RCN3: variants seen among roughly 807,000 people sequenced by gnomAD.
RCN3 encodes the protein reticulocalbin 3.
RCN3 carries 41 observed loss-of-function variants against 35.9 expected under a neutral mutation model. That is an observed-to-expected ratio of 1.14 (90% confidence interval 0.89 to 1.48). The LOEUF (loss-of-function observed/expected upper bound fraction) is 1.48, where lower values mean the gene tolerates loss of function less well. RCN3 is among the 40% of genes most tolerant of loss of function. RCN3 has a pLI of 0.00. For synonymous variants in RCN3, 187 were observed against 193.4 expected, an observed-to-expected ratio of 0.97 and a Z score of 0.27; for missense variants, 451 against 471.3, an observed-to-expected ratio of 0.96 and a Z score of 0.40.
At chr19:49,540,179 C>T (rs1221080515) in intron 5 of RCN3, among the ~76,000 whole-genome samples, 1 of 151,780 alleles carries the variant, frequency 6.6e-6, no homozygotes, top group East Asian at 1.9e-4. Flanking sequence ...GTGTGTGTCT[C>T]TCTCTTTATT....
chr19:49,528,685 C>G lies in RCN3; in HGVS notation c.213C>G (p.Leu71=). The G allele has an allele frequency of 1.9e-6, 3 of 1,606,454 alleles. No homozygotes were observed. The highest frequency in any genetic ancestry group is 2.6e-6 in the Non-Finnish European group (3 of 1,176,324). The change falls in exon 2 of 7, where the codon CTC becomes CTG. Residue 71 remains leucine, a synonymous_variant. Coordinates refer to ENST00000270645, the MANE Select transcript of RCN3 (RefSeq NM_020650.3). The part of the protein sequence containing the change: ...GREVAKEFDQ[L]TPEESQARLG... ...AAGTGGCCAAGGAATTCGACCAACTCACCCCAGAGGAAAGCCAGGCCCGTC... is the reference window on the plus strand; with the variant it reads ...AAGTGGCCAAGGAATTCGACCAACTGACCCCAGAGGAAAGCCAGGCCCGTC...
chr19:49,528,443 C>T, intron 1 of RCN3, 24 bp from the exon 2 acceptor site: 1 of 1,477,548 alleles, frequency 6.8e-7, no homozygotes. Context: ...TGACCCCTGA[C>T]CCCTGGCCTT....
chr19:49,534,839 A>T (rs148124549), intron 3 of RCN3, among the ~76,000 whole-genome samples: 82 of 152,016 alleles, frequency 5.4e-4, no homozygotes, highest in Non-Finnish European at 5.7e-4. Context: ...CCTACTTTCC[A>T]TGCCTTGTCA....
Position 49,542,723 on chromosome 19 carries a change from C to T in RCN3, c.850C>T (p.His284Tyr), listed in dbSNP as rs1450149582. The change falls in exon 6 of 7, where the codon CAC (histidine) becomes TAC (tyrosine). Residue 284 changes from histidine to tyrosine, a missense_variant. Coordinates refer to ENST00000270645, the MANE Select transcript of RCN3 (RefSeq NM_020650.3). ...GGACCAGCCCCTGGTGGAAGCCAACCACCTGCTGCACGAGAGCGACACGGA... is the reference window on the plus strand; with the variant it reads ...GGACCAGCCCCTGGTGGAAGCCAACTACCTGCTGCACGAGAGCGACACGGA... The part of the protein sequence containing the change: ...AQDQPLVEAN[H>Y]LLHESDTDKD... 6.3e-7 allele frequency: 1 copy of T among 1,592,888 alleles called. No homozygotes were observed. The highest frequency in any genetic ancestry group is 1.3e-5 in the African/African-American group (1 of 74,948).
rs1281051261 is a variant in RCN3 at position 49,542,570 on chromosome 19, G to A, written c.697G>A (p.Glu233Lys). Residue 233 changes from glutamate (E) to lysine (K), a missense_variant, in exon 6 of 7, where the codon GAG (glutamate) becomes AAG (lysine). Transcript: ENST00000270645. ...GCCCCCAGCGGATCTGTACTCAGCC[G>A]AGCCTGGGGAGGAGGAGCCGGCGTG... ...EEYIADLYSAEPGEEEPAWVQ... is the reference protein window; with the variant it reads ...EEYIADLYSAKPGEEEPAWVQ... The A allele has an allele frequency of 5.0e-6, 8 of 1,602,654 alleles. No individual in the cohort carries two copies. Among genetic ancestry groups the A allele is most frequent in the African/African-American group, 2.7e-5 (2 of 74,804 alleles).
intron 4 of RCN3, among the ~76,000 whole-genome samples, chr19:49,537,407 TCTC>T (rs1568711075): frequency 6.6e-6 from 1 of 152,074 alleles, no homozygotes; most frequent in Non-Finnish European, 1.5e-5. Flanking sequence ...GGGTCTGATC[TCTC>T]CTCGTCTGGC....
chr19:49,542,080 G>A (rs770534300), intron 5 of RCN3, among the ~76,000 whole-genome samples: 2 of 149,846 alleles, frequency 1.3e-5, no homozygotes, highest in African/African-American at 4.9e-5. Flanking sequence ...AAAAAAATTT[G>A]TAGAAACAGG....
chr19:49,542,532 C>T (rs747781668), intron 5 of RCN3, 21 bp from the exon 6 acceptor site: 11 of 1,552,780 alleles, frequency 7.1e-6, no homozygotes, highest in Middle Eastern at 1.8e-4. Flanking sequence ...CTGACCTTGT[C>T]CCCTCTGTCC....
chr19:49,537,295 G>T, intron 4 of RCN3, 90 bp downstream of exon 4: 1 of 1,259,838 alleles, frequency 7.9e-7, no homozygotes, highest in East Asian at 2.8e-5. Flanking sequence ...CCGACCTGGG[G>T]GCAGGCAGTC....
chr19:49,541,487 G>A (rs1033998124), intron 5 of RCN3, among the ~76,000 whole-genome samples: 14 of 152,236 alleles, frequency 9.2e-5, no homozygotes, highest in African/African-American at 2.9e-4. Flanking sequence ...CATGGCTCAC[G>A]CCTGTATTCC....
intron 5 of RCN3, among the ~76,000 whole-genome samples, chr19:49,539,484 C>T (rs950905636): frequency 1.3e-5 from 2 of 152,134 alleles, no homozygotes; most frequent in African/African-American, 4.8e-5. Context: ...CAAATCCCTT[C>T]TTGGGGGTCT....
intron 3 of RCN3, among the ~76,000 whole-genome samples, chr19:49,535,634 G>A (rs567944997): frequency 6.6e-6 from 1 of 151,976 alleles, no homozygotes; most frequent in Non-Finnish European, 1.5e-5. Context: ...GGTGGATCAC[G>A]TGAGATCAGA....
Position 49,543,503 on chromosome 19 carries a change from C to T in RCN3, c.*290C>T. 1 of 400,518 alleles carries T rather than the reference C, an allele frequency of 2.5e-6. No individual in the cohort carries two copies. Among genetic ancestry groups the T allele is most frequent in the Non-Finnish European group, 4.5e-6 (1 of 221,604 alleles). 24.8% of individuals were successfully genotyped at this position (400,518 alleles called of 1,614,324 possible). ...CCCAAGCTCAGCTCTAAGAACCGCC[C>T]CAACCCCTCCAGCTCCAAATCTGAG... is the stretch of plus-strand genomic sequence containing the variant. On this transcript the variant is annotated 3_prime_UTR_variant, in exon 7 of 7. Transcript: ENST00000270645.
intron 3 of RCN3, among the ~76,000 whole-genome samples, chr19:49,535,520 A>C (rs1229835575): frequency 6.6e-6 from 1 of 152,208 alleles, no homozygotes; most frequent in Non-Finnish European, 1.5e-5. Flanking sequence ...CTTAGCATAT[A>C]ATCTCTCACA....
chr19:49,543,187 C>T lies in RCN3; in HGVS notation c.961C>T (p.Leu321=). 1 of 1,613,780 alleles carries T rather than the reference C, an allele frequency of 6.2e-7. No individual in the cohort carries two copies. The highest frequency in any genetic ancestry group is 8.5e-7 in the Non-Finnish European group (1 of 1,179,812). ...TCAGGCCACCAACTATGGCGAGGAC[C>T]TGACCCGGCACCACGATGAGCTGTG... The part of the protein sequence containing the change: ...GSQATNYGED[L]TRHHDEL Residue 321 remains leucine, a synonymous_variant, in exon 7 of 7, where the codon CTG becomes TTG. Transcript: ENST00000270645.
At chr19:49,538,458 C>T (rs939471152) in intron 4 of RCN3, among the ~76,000 whole-genome samples, 11 of 151,632 alleles carry the variant, frequency 7.3e-5, no homozygotes, top group Admixed American at 3.9e-4. Flanking sequence ...TGAGCCACCA[C>T]GCCCGGCCAT....
rs151007768 is a variant in RCN3 at position 49,539,178 on chromosome 19, C to A, written c.678C>A (p.Ile226=). Residue 226 remains isoleucine, a splice_region_variant and synonymous_variant, in exon 5 of 7, where the codon ATC becomes ATA. Transcript: ENST00000270645. The part of the protein sequence containing the change: ...KDGYVQVEEY[I]ADLYSAEPGE... ...GCTATGTCCAGGTGGAGGAGTACAT[C>A]GGTGAGTGGGCCCCAATTTCTTCTT... 1.3e-3 allele frequency: 2,155 copies of A among 1,609,692 alleles called. 1 individual carries two copies. The highest frequency in any genetic ancestry group is 1.7e-3 in the Non-Finnish European group (1,990 of 1,178,360).
At chr19:49,539,068 C>G (rs768198116) in intron 4 of RCN3, 51 bp from the exon 5 acceptor site, 1 of 1,418,158 alleles carries the variant, frequency 7.1e-7, no homozygotes, top group South Asian at 1.3e-5. Flanking sequence ...CCAGCCTCCC[C>G]CAGGAGCCAG....
rs1027586957 is a variant in RCN3 at position 49,534,246 on chromosome 19, T to C, written c.296T>C (p.Leu99Pro). ...GGGGACGGCGACGGCTGGGTGTCGC[T>C]GGCCGAGCTTCGCGCGTGGATCGCG... ...RAGDGDGWVS[L>P]AELRAWIAHT... The change falls in exon 3 of 7, where the codon CTG becomes CCG. Residue 99 changes from leucine (L) to proline (P), a missense_variant. Physicochemically the swap from Leu to Pro is moderately conservative, Grantham distance 98. Transcript: ENST00000270645. The C allele has an allele frequency of 1.4e-6, 2 of 1,472,192 alleles. No homozygotes were observed. Among genetic ancestry groups the C allele is most frequent in the Non-Finnish European group, 1.8e-6 (2 of 1,116,636 alleles). The allele number at this position is 1,472,192 out of a possible 1,614,324, so 91.2% of individuals were successfully genotyped here. A position where few individuals can be genotyped will look rare whatever the true frequency, so the allele number is the denominator to read the frequency against.
Sources: allele counts gnomAD v4.1 joint callset (sites outside exome capture counted in the v4.1 genomes callset), GRCh38; gene constraint gnomAD v4.1.1; transcripts MANE v1.5; gene names NCBI Gene and HGNC (gene_info 2026-07-23, HGNC 2026-07-21).